Variants in MKLN1 observed in about 807,000 individuals in gnomAD.
The protein encoded by MKLN1 is muskelin 1.
Under a neutral mutation model 99.0 loss-of-function variants are expected in MKLN1, and 18 were observed. The ratio of observed to expected loss-of-function variants is 0.18; its 90% CI spans 0.13 to 0.27. The LOEUF (loss-of-function observed/expected upper bound fraction) is 0.27. Ranked by LOEUF, MKLN1 falls within the 10% of genes least tolerant of loss-of-function variation. MKLN1 has a pLI of 1.00. For missense variants in MKLN1, 621 were observed against 875.9 expected (o/e 0.71, Z 3.67); for synonymous variants, 288 against 293.2 (o/e 0.98, Z 0.18).
intron 15 of MKLN1, among the ~76,000 whole-genome samples, chr7:131,467,614 G>GA (rs1345266871): frequency 6.6e-6 from 1 of 152,222 alleles, no homozygotes; most frequent in East Asian, 1.9e-4. Flanking sequence ...AGTGAATTGA[G>GA]AAGAAGTGTG....
chr7:131,200,631 T>A (rs577730488), intron 2 of MKLN1, among the ~76,000 whole-genome samples: 1 of 152,360 alleles, frequency 6.6e-6, no homozygotes, highest in South Asian at 2.1e-4. Flanking sequence ...GTAACCATTA[T>A]ATCAAAATTG....
chr7:131,202,665 T>C (rs1418238867), intron 2 of MKLN1, among the ~76,000 whole-genome samples: 2 of 152,298 alleles, frequency 1.3e-5, no homozygotes, highest in South Asian at 2.1e-4. Context: ...ACTTCCAGTT[T>C]TGATCATCAC....
At chr7:131,167,319 C>T (rs933611987) in intron 2 of MKLN1, among the ~76,000 whole-genome samples, 2 of 152,128 alleles carry the variant, frequency 1.3e-5, no homozygotes, top group African/African-American at 2.4e-5. Context: ...ATGTCCATCT[C>T]CTGCAACGTT....
At chr7:131,175,055 G>C (rs1296006193) in intron 2 of MKLN1, among the ~76,000 whole-genome samples, 1 of 151,694 alleles carries the variant, frequency 6.6e-6, no homozygotes, top group African/African-American at 2.4e-5. Context: ...TGGATGGATG[G>C]ATGGATGGAT....
chr7:131,466,449 A>T, intron 15 of MKLN1, 34 bp downstream of exon 15: 1 of 1,466,012 alleles, frequency 6.8e-7, no homozygotes, highest in Non-Finnish European at 9.3e-7. Context: ...CATTTAATTA[A>T]CATTATCAGC....
In MKLN1 at chr7:131,291,101, TTTTATTTATTTATTTA is replaced by T. The variant is rs58711955; in HGVS notation, c.-178-84291_-178-84276del. On this transcript the variant is annotated intron_variant, in intron 3 of 7. Transcript: ENST00000416992. ...ATGCTTTTCCTTTTATCTCATTTTA[TTTTATTTATTTATTTA>T]TTTATTTATTTATTTATTTATTTAT... is the stretch of plus-strand genomic sequence containing the variant. Among the ~76,000 whole-genome samples, 105 of 134,868 alleles carry T rather than the reference TTTTATTTATTTATTTA, an allele frequency of 7.8e-4. 1 individual carries two copies. The highest frequency in any genetic ancestry group is 2.5e-3 in the African/African-American group (86 of 34,786). The allele number at this position is 134,868 out of a possible 152,430, so 88.5% of individuals were successfully genotyped here.
At chr7:131,136,678 C>T (rs1418771214) in intron 1 of MKLN1, among the ~76,000 whole-genome samples, 1 of 152,182 alleles carries the variant, frequency 6.6e-6, no homozygotes, top group African/African-American at 2.4e-5. Flanking sequence ...GAAACAGAAC[C>T]AGCCATAAAG....
chr7:131,250,689 T>C (rs186299557), intron 3 of MKLN1, among the ~76,000 whole-genome samples: 25 of 152,302 alleles, frequency 1.6e-4, no homozygotes, highest in Admixed American at 5.2e-4. Context: ...GGTTGTATCG[T>C]CATAATTCTA....
chr7:131,189,404 C>G (rs1251908441), intron 2 of MKLN1, among the ~76,000 whole-genome samples: 1 of 152,104 alleles, frequency 6.6e-6, no homozygotes, highest in Non-Finnish European at 1.5e-5. Context: ...ACAGCGATGT[C>G]AGAAGACCTC....
intron 9 of MKLN1, among the ~76,000 whole-genome samples, chr7:131,429,667 C>T (rs1368114128): frequency 2.0e-5 from 3 of 152,180 alleles, no homozygotes; most frequent in African/African-American, 7.2e-5. Flanking sequence ...CAAGCTCCGC[C>T]TCCCAGGTTC....
At chr7:131,458,961 C>T (rs946235378) in intron 12 of MKLN1, among the ~76,000 whole-genome samples, 19 of 152,054 alleles carry the variant, frequency 1.2e-4, no homozygotes, top group Admixed American at 6.5e-5. Flanking sequence ...TAATAAAAGA[C>T]AGGTTAACAA....
At chr7:131,479,831 A>G (rs1797068512) in intron 17 of MKLN1, among the ~76,000 whole-genome samples, 1 of 134,774 alleles carries the variant, frequency 7.4e-6, no homozygotes, top group Non-Finnish European at 1.5e-5. Flanking sequence ...CGTCTCAAAA[A>G]ATAATAATAA....
intron 3 of MKLN1, among the ~76,000 whole-genome samples, chr7:131,214,000 C>A (rs530751861): frequency 7.2e-5 from 11 of 152,056 alleles, no homozygotes; most frequent in Admixed American, 1.3e-4. Flanking sequence ...TTCTTCCCTA[C>A]CCCAAAGGTG....
intron 3 of MKLN1, among the ~76,000 whole-genome samples, chr7:131,275,559 ATATATATATTTTTTTT>A (rs1212130711): frequency 1.4e-4 from 2 of 14,474 alleles, no homozygotes; most frequent in African/African-American, 8.7e-4. Context: ...ATATATATAT[ATATATATATTTTTTTT>A]TTTTTTTTTT....
intron 1 of MKLN1, among the ~76,000 whole-genome samples, chr7:131,365,777 C>CT (rs1357566052): frequency 6.6e-6 from 1 of 151,810 alleles, no homozygotes; most frequent in East Asian, 1.9e-4. Context: ...TTATTGTATA[C>CT]TTTTTTTGTC....
chr7:131,483,851 A>T (rs975911109), intron 17 of MKLN1, among the ~76,000 whole-genome samples: 1 of 152,246 alleles, frequency 6.6e-6, no homozygotes, highest in African/African-American at 2.4e-5. Flanking sequence ...CATGTCTGCA[A>T]TGACCACAGA....
intron 8 of MKLN1, among the ~76,000 whole-genome samples, chr7:131,417,189 G>T: frequency 6.6e-6 from 1 of 151,878 alleles, no homozygotes; most frequent in Non-Finnish European, 1.5e-5. Context: ...AAGAAAAATC[G>T]GCCTATATCC....
chr7:131,216,964 A>G (rs1584842306), intron 3 of MKLN1, among the ~76,000 whole-genome samples: 1 of 152,206 alleles, frequency 6.6e-6, no homozygotes, highest in Non-Finnish European at 1.5e-5. Flanking sequence ...GAGTGCCCTC[A>G]GGATCTATGC....
intron 1 of MKLN1, among the ~76,000 whole-genome samples, chr7:131,133,463 C>T (rs557016076): frequency 7.1e-4 from 106 of 149,680 alleles, no homozygotes; most frequent in African/African-American, 2.6e-3. Flanking sequence ...AAGCCATTCT[C>T]CTGCCTCAGC....
Sources: allele counts gnomAD v4.1 joint callset (sites outside exome capture counted in the v4.1 genomes callset), GRCh38; gene constraint gnomAD v4.1.1; transcripts MANE v1.5; gene names NCBI Gene and HGNC (gene_info 2026-07-23, HGNC 2026-07-21).